Variants in CAMK1D observed in about 807,000 individuals in gnomAD.
CAMK1D encodes the protein calcium/calmodulin dependent protein kinase ID, also known as calcium/calmodulin-dependent protein kinase type 1D.
CAMK1D carries 9 observed loss-of-function variants against 47.7 expected under a neutral mutation model. The ratio of observed to expected loss-of-function variants is 0.19; its 90% CI spans 0.11 to 0.33. The LOEUF (loss-of-function observed/expected upper bound fraction) is 0.33, where lower values mean the gene tolerates loss of function less well. CAMK1D is among the 10% of genes least tolerant of loss of function. The pLI is 1.00. For missense variants in CAMK1D, 291 were observed against 488.7 expected (o/e 0.60, Z 3.81); for synonymous variants, 184 against 184.9 (o/e 0.99, Z 0.04).
At chr10:12,506,688 T>G (rs1834884224) in intron 1 of CAMK1D, among the ~76,000 whole-genome samples, 1 of 151,716 alleles carries the variant, frequency 6.6e-6, no homozygotes, top group Admixed American at 6.6e-5. Flanking sequence ...CCGGCTAGTT[T>G]TTTGTATTTG....
At chr10:12,352,952 T>C (rs1193189478) in intron 1 of CAMK1D, among the ~76,000 whole-genome samples, 1 of 152,080 alleles carries the variant, frequency 6.6e-6, no homozygotes, top group Non-Finnish European at 1.5e-5. Context: ...TTAGCCAGGA[T>C]GGTCTCGATC....
rs771621460 is a variant in CAMK1D, at chr10:12,816,375, T to TG, written c.833+55dup. On this transcript the variant is annotated intron_variant, in intron 8 of 10. Transcript: ENST00000619168. ...GCAGACCGTGCCATTTAATGCCATC[T>TG]GGGGGGGGCACGAAACTTCCTGTTG... 1,283 of 1,474,854 alleles carry TG rather than the reference T, an allele frequency of 8.7e-4. 1 individual carries two copies. The highest frequency in any genetic ancestry group is 3.3e-3 in the African/African-American group (234 of 70,312). The allele number at this position is 1,474,854 out of a possible 1,614,324, so 91.4% of individuals were successfully genotyped here.
At chr10:12,594,200 A>T (rs1270647424) in intron 2 of CAMK1D, among the ~76,000 whole-genome samples, 2 of 152,242 alleles carry the variant, frequency 1.3e-5, no homozygotes, top group African/African-American at 4.8e-5. Flanking sequence ...AGCTCAGCTT[A>T]AGAGCATGAT....
rs1484817239 is a variant in CAMK1D at position 12,835,079 on chromosome 10, A to G, written c.*6192A>G. On this transcript the variant is annotated 3_prime_UTR_variant, in exon 11 of 11. Transcript: ENST00000619168. Reference sequence around the variant, plus strand: ...TTCGAAAGATGGGGCGCCATGTTTCAGAGAACATTTATCTTAGTCCCACGT... The same window carrying G: ...TTCGAAAGATGGGGCGCCATGTTTCGGAGAACATTTATCTTAGTCCCACGT... 1.3e-5 allele frequency: 2 copies of G among 152,248 alleles called. No homozygotes were observed. Among genetic ancestry groups the G allele is most frequent in the Admixed American group, 1.3e-4 (2 of 15,290 alleles). 9.4% of individuals were successfully genotyped at this position (152,248 alleles called of 1,614,324 possible). A position where few individuals can be genotyped will look rare whatever the true frequency, so the allele number is the denominator to read the frequency against.
At chr10:12,496,508 G>A (rs1245120315) in intron 1 of CAMK1D, among the ~76,000 whole-genome samples, 2 of 152,114 alleles carry the variant, frequency 1.3e-5, no homozygotes, top group Non-Finnish European at 2.9e-5. Flanking sequence ...CAGAGCTGAC[G>A]TCAGTGAGGA....
intron 1 of CAMK1D, among the ~76,000 whole-genome samples, chr10:12,533,889 G>A (rs752040948): frequency 6.6e-6 from 1 of 152,102 alleles, no homozygotes; most frequent in Non-Finnish European, 1.5e-5. Flanking sequence ...AGAAAGAAAC[G>A]TCATCCTCAA....
intron 1 of CAMK1D, among the ~76,000 whole-genome samples, chr10:12,403,650 T>C (rs899253768): frequency 1.6e-4 from 25 of 152,334 alleles, no homozygotes; most frequent in African/African-American, 5.5e-4. Flanking sequence ...CTGCAGAGAA[T>C]GGGGATAGAA....
intron 3 of CAMK1D, among the ~76,000 whole-genome samples, chr10:12,746,307 T>C (rs1047164950): frequency 2.1e-5 from 3 of 140,506 alleles, no homozygotes; most frequent in Non-Finnish European, 4.5e-5. Flanking sequence ...GAGCTTGCAG[T>C]GAGCCCAGAT....
intron 3 of CAMK1D, among the ~76,000 whole-genome samples, chr10:12,750,668 A>AGAATGAATGAATGAATGAATGAATGAT (rs1564534984): frequency 6.6e-6 from 1 of 151,334 alleles, no homozygotes; most frequent in African/African-American, 2.5e-5. Flanking sequence ...GGGAAAGTCA[A>AGAATGAATGAATGAATGAATGAATGAT]GAATGAATGA....
At chr10:12,522,599 TTC>T (rs1278421920) in intron 1 of CAMK1D, among the ~76,000 whole-genome samples, 1 of 152,002 alleles carries the variant, frequency 6.6e-6, no homozygotes, top group Non-Finnish European at 1.5e-5. Flanking sequence ...GTCCACTTCT[TTC>T]CACACAGACA....
intron 1 of CAMK1D, among the ~76,000 whole-genome samples, chr10:12,470,374 C>T (rs912773899): frequency 6.6e-6 from 1 of 152,174 alleles, no homozygotes; most frequent in African/African-American, 2.4e-5. Flanking sequence ...CTTTTCTGTG[C>T]ATAGTCAACA....
chr10:12,414,755 A>G (rs1422967854), intron 1 of CAMK1D, among the ~76,000 whole-genome samples: 1 of 152,198 alleles, frequency 6.6e-6, no homozygotes, highest in Non-Finnish European at 1.5e-5. Context: ...TTTCTTAGTC[A>G]TAGTGTCCTA....
intron 5 of CAMK1D, 133 bp downstream of exon 5, chr10:12,769,932 C>G: frequency 1.1e-6 from 1 of 934,240 alleles, no homozygotes; most frequent in Admixed American, 2.3e-5. Context: ...CTTCACTTCC[C>G]CTGGGGGAAA....
intron 2 of CAMK1D, among the ~76,000 whole-genome samples, chr10:12,599,603 A>C (rs560165865): frequency 6.6e-6 from 1 of 152,332 alleles, no homozygotes; most frequent in South Asian, 2.1e-4. Flanking sequence ...TATTCGTGGT[A>C]GAAAGAGAGC....
At chr10:12,608,363 A>G (rs978181185) in intron 2 of CAMK1D, among the ~76,000 whole-genome samples, 12 of 152,250 alleles carry the variant, frequency 7.9e-5, no homozygotes, top group African/African-American at 2.7e-4. Flanking sequence ...GGTTACAGTG[A>G]GCCGAGATTG....
intron 1 of CAMK1D, among the ~76,000 whole-genome samples, chr10:12,419,587 T>G (rs546511098): frequency 6.6e-6 from 1 of 151,660 alleles, no homozygotes; most frequent in Admixed American, 6.6e-5. Context: ...CGGGCCTCAG[T>G]GGATTCTGAA....
chr10:12,378,767 A>T (rs1242798736), intron 1 of CAMK1D, among the ~76,000 whole-genome samples: 1 of 150,990 alleles, frequency 6.6e-6, no homozygotes, highest in Non-Finnish European at 1.5e-5. Flanking sequence ...TTTTCTCATG[A>T]GATCTCTATC....
At chr10:12,649,265 G>A (rs775907868) in intron 2 of CAMK1D, among the ~76,000 whole-genome samples, 2 of 152,258 alleles carry the variant, frequency 1.3e-5, no homozygotes, top group Non-Finnish European at 2.9e-5. Flanking sequence ...ACTCTGCGCT[G>A]TGTTGTCAGG....
intron 1 of CAMK1D, among the ~76,000 whole-genome samples, chr10:12,523,526 C>A (rs1449633201): frequency 2.0e-5 from 3 of 151,710 alleles, no homozygotes; most frequent in African/African-American, 7.2e-5. Flanking sequence ...GCGGATCACT[C>A]GCAGTTAGGA....
Sources: allele counts gnomAD v4.1 joint callset (sites outside exome capture counted in the v4.1 genomes callset), GRCh38; gene constraint gnomAD v4.1.1; transcripts MANE v1.5; gene names NCBI Gene and HGNC (gene_info 2026-07-23, HGNC 2026-07-21).